Variants in RFX1 observed in about 807,000 individuals in gnomAD.
RFX1 encodes the protein regulatory factor X1, also known as MHC class II regulatory factor RFX1.
In RFX1, 42 loss-of-function variants were observed where a neutral mutation model predicts 119.6. The observed-to-expected ratio is 0.35, with a 90% CI of 0.27 to 0.45. The LOEUF (loss-of-function observed/expected upper bound fraction) is 0.45. Ranked by LOEUF, RFX1 falls within the 20% of genes least tolerant of loss-of-function variation. RFX1 has a pLI of 1.00. For synonymous variants in RFX1, 628 were observed against 618.5 expected, an observed-to-expected ratio of 1.02 and a Z score of -0.23; for missense variants, 1,118 against 1,368.1, an observed-to-expected ratio of 0.82 and a Z score of 2.88.
In RFX1 at chr19:13,990,205, C is replaced by G. The variant is rs1351599636; in HGVS notation, c.319+3320G>C. On this transcript the variant is annotated intron_variant, in intron 2 of 20. Coordinates refer to ENST00000254325, the MANE Select transcript of RFX1 (RefSeq NM_002918.5). This position sits in a 1 kb window ranked among gnomAD's most constrained non-coding sequence, Gnocchi z 4.1. ...GAGGTTCCCAGGTCTGAGTCTGGGG[C>G]TCCCCGTCCTTTGCTGACAAGGTCA... is the stretch of plus-strand genomic sequence containing the variant. Among the ~76,000 whole-genome samples the G allele has an allele frequency of 6.6e-6, 1 of 152,070 alleles. No individual in the cohort carries two copies. Among genetic ancestry groups the G allele is most frequent in the Non-Finnish European group, 1.5e-5 (1 of 68,016 alleles).
rs1973881805 is a variant in RFX1 at position 13,965,921 on chromosome 19, T to C, written c.1962-144A>G. On this transcript the variant is annotated intron_variant, in intron 14 of 20. Coordinates refer to ENST00000254325, the MANE Select transcript of RFX1 (RefSeq NM_002918.5). The surrounding 1 kb of genome is among the most constrained non-coding windows in gnomAD (Gnocchi z 4.7). ...TACCCCCAGCATCAGAAGGCACAGG[T>C]ACCCCCTTACCCCCACTCCAGGGTC... is the stretch of plus-strand genomic sequence containing the variant. 1 of 899,502 alleles carries C rather than the reference T, an allele frequency of 1.1e-6. No homozygotes were observed. The highest frequency in any genetic ancestry group is 1.7e-5 in the South Asian group (1 of 59,812). 55.7% of individuals were successfully genotyped at this position (899,502 alleles called of 1,614,324 possible). A position where few individuals can be genotyped will look rare whatever the true frequency, so the allele number is the denominator to read the frequency against.
intron 7 of RFX1, among the ~76,000 whole-genome samples, chr19:13,979,001 GGGGCGGCGGCTCCGGCGGCGGCGT>G (rs1195264523): frequency 2.6e-5 from 4 of 151,532 alleles, no homozygotes; most frequent in African/African-American, 9.7e-5. Flanking sequence ...GCGGGCGGCC[GGGGCGGCGGCTCCGGCGGCGGCGT>G]GGGCCGGGGA....
chr19:13,971,594 C>T (rs969533970), intron 9 of RFX1, among the ~76,000 whole-genome samples: 2 of 152,162 alleles, frequency 1.3e-5, no homozygotes, highest in East Asian at 1.9e-4. Flanking sequence ...CTTCTCTCTG[C>T]CCTCATTATC....
intron 1 of RFX1, among the ~76,000 whole-genome samples, chr19:14,001,535 A>G (rs1244149869): frequency 6.6e-6 from 1 of 152,188 alleles, no homozygotes; most frequent in Non-Finnish European, 1.5e-5. Context: ...TCCTGGGCTT[A>G]AGTGATCCTC....
intron 8 of RFX1, among the ~76,000 whole-genome samples, chr19:13,973,548 GT>G (rs1319429407): frequency 6.6e-6 from 1 of 152,132 alleles, no homozygotes; most frequent in Non-Finnish European, 1.5e-5. Context: ...GGAGTTCAAG[GT>G]TGTAGTGAGC....
In RFX1 at chr19:13,962,468, C is replaced by T. The variant is rs932560190; in HGVS notation, c.*227G>A. The T allele has an allele frequency of 1.2e-5, 6 of 518,754 alleles. No individual in the cohort carries two copies. The highest frequency in any genetic ancestry group is 1.0e-4 in the African/African-American group (5 of 48,550). The allele number at this position is 518,754 out of a possible 1,614,324, so 32.1% of individuals were successfully genotyped here. On this transcript the variant is annotated 3_prime_UTR_variant, in exon 21 of 21. Coordinates refer to ENST00000254325, the MANE Select transcript of RFX1 (RefSeq NM_002918.5). Reference sequence around the variant, plus strand: ...CCCCGCGGGGCACCTGGGCACGCGGCGGGTTCCTTAAGGCACGTCTTTTGT... The same window carrying T: ...CCCCGCGGGGCACCTGGGCACGCGGTGGGTTCCTTAAGGCACGTCTTTTGT...
At chr19:14,004,900 T>A (rs1381645910) in intron 1 of RFX1, among the ~76,000 whole-genome samples, 1 of 152,130 alleles carries the variant, frequency 6.6e-6, no homozygotes, top group African/African-American at 2.4e-5. Context: ...GTGGCAAAGA[T>A]TCTCCTCTCA....
chr19:13,962,655 G>C lies in RFX1; in HGVS notation c.*40C>G. On this transcript the variant is annotated 3_prime_UTR_variant, in exon 21 of 21. Transcript: ENST00000254325. ...AGAAGCTTTGAGGGACCCTGGCGTG[G>C]AGGGGTGGCGGGGGCGGGTGGGGCG... 6.8e-7 allele frequency: 1 copy of C among 1,462,516 alleles called. No homozygotes were observed. The highest frequency in any genetic ancestry group is 2.5e-5 in the East Asian group (1 of 39,670). 90.6% of individuals were successfully genotyped at this position (1,462,516 alleles called of 1,614,324 possible).
intron 17 of RFX1, 47 bp downstream of exon 17, chr19:13,963,811 C>T (rs561564809): frequency 1.3e-6 from 2 of 1,498,680 alleles, no homozygotes; most frequent in South Asian, 1.3e-5. Context: ...TGGCCCGCCC[C>T]GTTAGGCTGC....
intron 1 of RFX1, among the ~76,000 whole-genome samples, chr19:13,996,156 C>T (rs532112376): frequency 4.6e-5 from 7 of 152,178 alleles, no homozygotes; most frequent in African/African-American, 1.2e-4. Context: ...AGCAGGGGAT[C>T]GGCAGATGGT....
At chr19:13,987,083 C>T (rs1974622791) in intron 2 of RFX1, among the ~76,000 whole-genome samples, 1 of 152,194 alleles carries the variant, frequency 6.6e-6, no homozygotes, top group African/African-American at 2.4e-5. Context: ...GTCTTCTTGG[C>T]CCCCCTAGAA....
At chr19:13,982,640 C>T (rs1974464323) in intron 4 of RFX1, among the ~76,000 whole-genome samples, 1 of 152,168 alleles carries the variant, frequency 6.6e-6, no homozygotes, top group African/African-American at 2.4e-5. Flanking sequence ...CTTGTTTCTA[C>T]TAATAATACA....
intron 1 of RFX1, among the ~76,000 whole-genome samples, chr19:14,005,877 G>A (rs889847054): frequency 2.7e-5 from 4 of 149,032 alleles, no homozygotes; most frequent in African/African-American, 1.0e-4. Context: ...TCCACTCGCC[G>A]CGGGCCTGCG....
Position 13,980,760 on chromosome 19 carries a change from A to T in RFX1, c.622-71T>A. On this transcript the variant is annotated intron_variant, in intron 5 of 20. Coordinates refer to ENST00000254325, the MANE Select transcript of RFX1 (RefSeq NM_002918.5). This position sits in a 1 kb window ranked among gnomAD's most constrained non-coding sequence, Gnocchi z 5.1. ...TCCTCTCTGAGGTGGGCTCACACAC[A>T]CACCCTTCTCAGGAGAGCTGTCTGG... 6.1e-5 allele frequency: 12 copies of T among 197,276 alleles called. No homozygotes were observed. The highest frequency in any genetic ancestry group is 1.1e-4 in the South Asian group (1 of 9,416). The allele number at this position is 197,276 out of a possible 1,614,324, so 12.2% of individuals were successfully genotyped here. A position where few individuals can be genotyped will look rare whatever the true frequency, so the allele number is the denominator to read the frequency against.
rs893320211 is a variant in RFX1 at position 13,969,866 on chromosome 19, C to T, written c.1496+128G>A. On this transcript the variant is annotated intron_variant, in intron 10 of 20. Coordinates refer to ENST00000254325, the MANE Select transcript of RFX1 (RefSeq NM_002918.5). This position sits in a 1 kb window ranked among gnomAD's most constrained non-coding sequence, Gnocchi z 4.5. ...CTAGAGTGGGAGTGAGCGGGGCTGT[C>T]GAGGAGCCTCGCAGAGGCCGGCGGG... 2 of 904,972 alleles carry T rather than the reference C, an allele frequency of 2.2e-6. No individual in the cohort carries two copies. Among genetic ancestry groups the T allele is most frequent in the Non-Finnish European group, 3.3e-6 (2 of 606,868 alleles). 56.1% of individuals were successfully genotyped at this position (904,972 alleles called of 1,614,324 possible). A position where few individuals can be genotyped will look rare whatever the true frequency, so the allele number is the denominator to read the frequency against.
At chr19:13,963,774 C>T (rs985335241) in intron 17 of RFX1, 28 bp from the exon 18 acceptor site, 3 of 1,514,844 alleles carry the variant, frequency 2.0e-6, no homozygotes, top group Non-Finnish European at 1.8e-6. Context: ...GGCGGGCGCC[C>T]GGGGCTCAGC....
At chr19:13,975,261 G>A (rs1974219994) in intron 8 of RFX1, among the ~76,000 whole-genome samples, 1 of 151,760 alleles carries the variant, frequency 6.6e-6, no homozygotes, top group South Asian at 2.1e-4. Context: ...GGAGACTGAG[G>A]CAGGAGAATC....
intron 16 of RFX1, 152 bp from the exon 17 acceptor site, chr19:13,964,159 G>A (rs1973818702): frequency 2.4e-6 from 2 of 827,638 alleles, no homozygotes; most frequent in African/African-American, 1.7e-5. Flanking sequence ...CAGAAGGATC[G>A]GGACCTTCAA....
chr19:13,996,865 A>G (rs939588099), intron 1 of RFX1, among the ~76,000 whole-genome samples: 4 of 151,970 alleles, frequency 2.6e-5, no homozygotes, highest in Non-Finnish European at 5.9e-5. Context: ...CTGCGACTAC[A>G]GGAGCCTACT....
Sources: allele counts gnomAD v4.1 joint callset (sites outside exome capture counted in the v4.1 genomes callset), GRCh38; gene constraint gnomAD v4.1.1; non-coding constraint Gnocchi (gnomAD v3.1); transcripts MANE v1.5; gene names NCBI Gene and HGNC (gene_info 2026-07-23, HGNC 2026-07-21).